ZC3H6: variants seen among roughly 807,000 people sequenced by gnomAD.
The protein encoded by ZC3H6 is zinc finger CCCH-type containing 6, also known as zinc finger CCCH domain-containing protein 6.
In ZC3H6, 40 loss-of-function variants were observed where a neutral mutation model predicts 107.7. That is an observed-to-expected ratio of 0.37 (90% confidence interval 0.29 to 0.48). The LOEUF (loss-of-function observed/expected upper bound fraction) is 0.48. ZC3H6 is among the 20% of genes least tolerant of loss of function. The probability of loss-of-function intolerance (pLI) is 0.98; values close to 1 mark genes in which losing one functional copy is unlikely to be tolerated. For missense variants in ZC3H6, 1,267 were observed against 1,410.4 expected (o/e 0.90, Z 1.63); for synonymous variants, 493 against 487.9 (o/e 1.01, Z -0.14).
intron 1 of ZC3H6, among the ~76,000 whole-genome samples, chr2:112,288,564 T>C (rs1160751329): frequency 6.6e-6 from 1 of 152,232 alleles, no homozygotes; most frequent in African/African-American, 2.4e-5. Context: ...CATGTTCATA[T>C]AGGTAGTACT....
At chr2:112,312,600 C>T (rs1339390930) in intron 5 of ZC3H6, among the ~76,000 whole-genome samples, 1 of 152,122 alleles carries the variant, frequency 6.6e-6, no homozygotes, top group Non-Finnish European at 1.5e-5. Context: ...CAGTGGCTCA[C>T]GCCCGTAATC....
chr2:112,303,451 C>T, intron 3 of ZC3H6, 100 bp downstream of exon 3: 1 of 824,500 alleles, frequency 1.2e-6, no homozygotes, highest in African/African-American at 1.8e-5. Context: ...AGTATATTGA[C>T]AGTGTTGTTC....
rs556484355 is a variant in ZC3H6 at position 112,299,838 on chromosome 2, T to C, written c.33-11T>C. 2.2e-6 allele frequency: 3 copies of C among 1,374,912 alleles called. No individual in the cohort carries two copies. The East Asian group carries it at 8.6e-5, about 39-fold the overall frequency. The allele number at this position is 1,374,912 out of a possible 1,614,324, so 85.2% of individuals were successfully genotyped here. On this transcript the variant is annotated splice_polypyrimidine_tract_variant and intron_variant, in intron 1 of 11. Coordinates refer to ENST00000409871, the MANE Select transcript of ZC3H6 (RefSeq NM_198581.3). ...GAATGATATTTGAAAATTAAAATTT[T>C]CCTTCTATAGAGAAGATGGCGAATT...
chr2:112,306,687 A>G (rs1250575131), intron 3 of ZC3H6, among the ~76,000 whole-genome samples: 1 of 152,088 alleles, frequency 6.6e-6, no homozygotes, highest in African/African-American at 2.4e-5. Context: ...CTTTATTCCA[A>G]TTTCAGGATT....
At chr2:112,283,856 A>G (rs1468277173) in intron 1 of ZC3H6, among the ~76,000 whole-genome samples, 4 of 152,212 alleles carry the variant, frequency 2.6e-5, no homozygotes, top group African/African-American at 4.8e-5. Context: ...ATCACAGACA[A>G]TTTCATCTTA....
Position 112,339,246 on chromosome 2 carries a change from C to G in ZC3H6, c.*6758C>G, listed in dbSNP as rs1573971093. On this transcript the variant is annotated 3_prime_UTR_variant, in exon 12 of 12. Coordinates refer to ENST00000409871, the MANE Select transcript of ZC3H6 (RefSeq NM_198581.3). ...AATAGAGAAAGTGAAAAATGATAAA[C>G]TAACCATTATAAAATAGAGGTTTGA... is the stretch of plus-strand genomic sequence containing the variant. 4.6e-5 allele frequency: 7 copies of G among 152,186 alleles called. No homozygotes were observed. The South Asian group carries it at 1.5e-3, about 32-fold the overall frequency. 9.4% of individuals were successfully genotyped at this position (152,186 alleles called of 1,614,324 possible).
intron 6 of ZC3H6, 48 bp downstream of exon 6, chr2:112,316,634 T>C (rs1464432135): frequency 8.0e-7 from 1 of 1,245,846 alleles, no homozygotes; most frequent in Non-Finnish European, 1.1e-6. Context: ...CAAAATAATC[T>C]TTAAAATTAA....
intron 4 of ZC3H6, among the ~76,000 whole-genome samples, chr2:112,311,524 A>G (rs1676591703): frequency 6.6e-6 from 1 of 152,214 alleles, no homozygotes; most frequent in Non-Finnish European, 1.5e-5. Context: ...AGGCTTGTTA[A>G]TGATCTTATG....
chr2:112,281,348 G>A (rs2104691322), intron 1 of ZC3H6, among the ~76,000 whole-genome samples: 1 of 152,248 alleles, frequency 6.6e-6, no homozygotes, highest in South Asian at 2.1e-4. Context: ...AAAACACAAG[G>A]GATTTCACTC....
In ZC3H6 at chr2:112,331,269, A is replaced by G; in HGVS notation, c.2351A>G (p.Asp784Gly). Residue 784 changes from aspartate (D) to glycine (G), a missense_variant, in exon 12 of 12, where the codon GAT becomes GGT. By Grantham distance (94) the Asp-to-Gly change is moderately conservative (BLOSUM62 -1). This residue lies in a region of ZC3H6 where 925 missense variants were observed against 1,025.7 expected (regional missense o/e 0.90). Coordinates refer to ENST00000409871, the MANE Select transcript of ZC3H6 (RefSeq NM_198581.3). Reference sequence around the variant, plus strand: ...CCACTGGATCTTAGACTTGCGTGGGATCCCAGGAAATTGAGAGGGAATGGA... The same window carrying G: ...CCACTGGATCTTAGACTTGCGTGGGGTCCCAGGAAATTGAGAGGGAATGGA... Reference protein sequence around the residue: ...SAPLDLRLAWDPRKLRGNGSG... With the variant: ...SAPLDLRLAWGPRKLRGNGSG... 1 of 1,613,752 alleles carries G rather than the reference A, an allele frequency of 6.2e-7. No homozygotes were observed. Among genetic ancestry groups the G allele is most frequent in the Non-Finnish European group, 8.5e-7 (1 of 1,179,868 alleles).
chr2:112,312,692 C>G (rs1396824999), intron 5 of ZC3H6, among the ~76,000 whole-genome samples: 1 of 152,078 alleles, frequency 6.6e-6, no homozygotes, highest in East Asian at 1.9e-4. Flanking sequence ...GAAACCCCAT[C>G]TCTACAAAAA....
Position 112,317,241 on chromosome 2 carries a change from T to C in ZC3H6, c.885T>C (p.Asp295=), listed in dbSNP as rs1428071689. Residue 295 remains aspartate (D), a synonymous_variant, in exon 7 of 12, where the codon GAT becomes GAC. Coordinates refer to ENST00000409871, the MANE Select transcript of ZC3H6 (RefSeq NM_198581.3). The stretch of plus-strand genomic sequence containing the variant: ...AATAGGGAGATCAGTGTAAATTTGA[T>C]CATGATGCAGAGTTGGAGAAAAGAA... ...RCIKGDQCKF[D]HDAELEKRKE... is the part of the protein sequence containing the mutation. 1.9e-6 allele frequency: 3 copies of C among 1,545,244 alleles called. No homozygotes were observed. The highest frequency in any genetic ancestry group is 2.6e-6 in the Non-Finnish European group (3 of 1,151,146).
chr2:112,291,720 A>G (rs531762238), intron 1 of ZC3H6, among the ~76,000 whole-genome samples: 77 of 152,122 alleles, frequency 5.1e-4, no homozygotes, highest in Non-Finnish European at 4.9e-4. Flanking sequence ...GATGCTAGGC[A>G]CTAAGTTCCT....
At chr2:112,297,999 C>T (rs1676274296) in intron 1 of ZC3H6, among the ~76,000 whole-genome samples, 1 of 152,122 alleles carries the variant, frequency 6.6e-6, no homozygotes, top group South Asian at 2.1e-4. Context: ...CCTGTAATCC[C>T]AGCTACTCGG....
intron 1 of ZC3H6, among the ~76,000 whole-genome samples, chr2:112,280,542 T>C (rs533053918): frequency 2.6e-5 from 4 of 152,140 alleles, no homozygotes; most frequent in Non-Finnish European, 5.9e-5. Flanking sequence ...CACAACATCA[T>C]GAACTTGCTC....
intron 1 of ZC3H6, among the ~76,000 whole-genome samples, chr2:112,276,754 G>A (rs767658240): frequency 3.3e-5 from 5 of 152,098 alleles, no homozygotes; most frequent in African/African-American, 4.8e-5. Flanking sequence ...GTTTCCATTC[G>A]AGTTTGGGGA....
intron 11 of ZC3H6, among the ~76,000 whole-genome samples, chr2:112,328,938 CAAAAAAA>C (rs11317176): frequency 8.7e-6 from 1 of 115,236 alleles, no homozygotes. Flanking sequence ...GACTCTGTCT[CAAAAAAA>C]AAAAAAAAAA....
chr2:112,339,793 T>C lies in ZC3H6; in HGVS notation c.*7305T>C, dbSNP rs558921985. ...AAATGCTGCCTTGACTATTTTACTT[T>C]GGAAGGTTTTACTAGATATCAGTTT... On this transcript the variant is annotated 3_prime_UTR_variant, in exon 12 of 12. Transcript: ENST00000409871. 13 of 152,268 alleles carry C rather than the reference T, an allele frequency of 8.5e-5. No individual in the cohort carries two copies. Among genetic ancestry groups the C allele is most frequent in the Non-Finnish European group, 1.6e-4 (11 of 68,004 alleles). 9.4% of individuals were successfully genotyped at this position (152,268 alleles called of 1,614,324 possible).
At position 112,339,809 on chromosome 2, in the gene ZC3H6, A is replaced by G. The variant is rs1304553592; in HGVS notation, c.*7321A>G. ...ATTTTACTTTGGAAGGTTTTACTAG[A>G]TATCAGTTTAGTAGATTAATGACGT... On this transcript the variant is annotated 3_prime_UTR_variant, in exon 12 of 12. Transcript: ENST00000409871. The G allele has an allele frequency of 1.3e-5, 2 of 151,928 alleles. No individual in the cohort carries two copies. The highest frequency in any genetic ancestry group is 4.8e-5 in the African/African-American group (2 of 41,332). 9.4% of individuals were successfully genotyped at this position (151,928 alleles called of 1,614,324 possible).
Sources: gnomAD v4.1 joint callset for allele counts (sites outside exome capture counted in the v4.1 genomes callset) on GRCh38, gnomAD v4.1.1 for gene constraint, gnomAD v4.1.1 regional missense constraint, MANE v1.5 for transcripts, NCBI Gene and HGNC (gene_info 2026-07-23, HGNC 2026-07-21) for gene names.